NRXN1: variants seen among roughly 807,000 people sequenced by gnomAD.
The protein encoded by NRXN1 is neurexin-1.
A neutral mutation model predicts 150.9 loss-of-function variants in NRXN1; 39 were observed. The observed-to-expected ratio is 0.26, with a 90% CI of 0.20 to 0.34. The LOEUF is 0.34. Among genes scored for constraint, NRXN1 ranks in the 10% least tolerant of loss-of-function variants. The pLI is 1.00. For missense variants in NRXN1, 1,815 were observed against 1,949.9 expected, an observed-to-expected ratio of 0.93 and a Z score of 1.30; for synonymous variants, 924 against 757.0, an observed-to-expected ratio of 1.22 and a Z score of -3.62.
intron 6 of NRXN1, among the ~76,000 whole-genome samples, chr2:50,622,773 A>C (rs918336963): frequency 6.6e-6 from 1 of 152,182 alleles, no homozygotes; most frequent in Admixed American, 6.5e-5. Flanking sequence ...GCTAAAAATA[A>C]AAGTATCTTC....
At chr2:49,930,187 G>A (rs1283248564) in intron 22 of NRXN1, among the ~76,000 whole-genome samples, 3 of 152,098 alleles carry the variant, frequency 2.0e-5, no homozygotes, top group Non-Finnish European at 4.4e-5. Context: ...GAAATTTCAA[G>A]GTGGACATGA....
rs201024655 is a variant in NRXN1 at position 50,347,617 on chromosome 2, C to A, written c.3365-110647G>T. ...CGCGTCCGCCGCCTCCTGACACTTA[C>A]GCCCGGCGAGGGGTTCAGAGGGAAG... On this transcript the variant is annotated intron_variant, in intron 17 of 22. Transcript: ENST00000401669. The surrounding 1 kb of genome is among the most constrained non-coding windows in gnomAD (Gnocchi z 4.9). The A allele has an allele frequency of 4.0e-6, 4 of 1,005,700 alleles. No homozygotes were observed. Among genetic ancestry groups the A allele is most frequent in the Non-Finnish European group, 4.7e-6 (4 of 842,388 alleles). The allele number at this position is 1,005,700 out of a possible 1,614,324, so 62.3% of individuals were successfully genotyped here.
At chr2:49,922,489 C>G (rs1668393325) in intron 22 of NRXN1, among the ~76,000 whole-genome samples, 1 of 152,090 alleles carries the variant, frequency 6.6e-6, no homozygotes, top group Non-Finnish European at 1.5e-5. Context: ...ATTTTGTTCA[C>G]AGAGTTTGGT....
intron 15 of NRXN1, among the ~76,000 whole-genome samples, chr2:50,482,512 C>T (rs2090547672): frequency 6.6e-6 from 1 of 152,022 alleles, no homozygotes; most frequent in South Asian, 2.1e-4. Context: ...ATTTTTTTTA[C>T]TTACTGTGTA....
At chr2:50,623,668 C>T in intron 5 of NRXN1, 53 bp from the exon 6 acceptor site, 4 of 1,332,444 alleles carry the variant, frequency 3.0e-6, no homozygotes, top group South Asian at 1.3e-5. Flanking sequence ...CTATGCAAAT[C>T]AGCAGGTCTT....
chr2:50,065,061 A>T (rs1483258627), intron 19 of NRXN1, among the ~76,000 whole-genome samples: 2 of 152,196 alleles, frequency 1.3e-5, no homozygotes, highest in African/African-American at 4.8e-5. Flanking sequence ...CATGCTGGGA[A>T]ATCCAGTTTT....
At chr2:51,016,007 A>G (rs1314620777) in intron 2 of NRXN1, among the ~76,000 whole-genome samples, 1 of 152,100 alleles carries the variant, frequency 6.6e-6, no homozygotes, top group African/African-American at 2.4e-5. Flanking sequence ...ACAGCATGGT[A>G]CTGGTACCAA....
At chr2:50,884,123 T>C (rs531512446) in intron 5 of NRXN1, among the ~76,000 whole-genome samples, 1 of 151,924 alleles carries the variant, frequency 6.6e-6, no homozygotes, top group East Asian at 1.9e-4. Context: ...CAGCTTACCT[T>C]TTGAACTAGT....
intron 5 of NRXN1, among the ~76,000 whole-genome samples, chr2:50,837,022 C>T (rs957310193): frequency 6.6e-6 from 1 of 151,938 alleles, no homozygotes; most frequent in Non-Finnish European, 1.5e-5. Context: ...AAGAGTAAAT[C>T]CCTGAAGATA....
At chr2:49,976,543 G>A (rs1423904657) in intron 21 of NRXN1, among the ~76,000 whole-genome samples, 1 of 152,106 alleles carries the variant, frequency 6.6e-6, no homozygotes, top group Non-Finnish European at 1.5e-5. Flanking sequence ...AGAAGAGCAT[G>A]ACTGGTATGT....
chr2:50,329,752 C>A (rs1335903366), intron 17 of NRXN1, among the ~76,000 whole-genome samples: 1 of 145,616 alleles, frequency 6.9e-6, no homozygotes, highest in Non-Finnish European at 1.5e-5. Flanking sequence ...CGGCTCACTG[C>A]AACCTCCACC....
At chr2:49,959,282 G>A (rs945838239) in intron 21 of NRXN1, among the ~76,000 whole-genome samples, 2 of 152,248 alleles carry the variant, frequency 1.3e-5, no homozygotes, top group South Asian at 4.1e-4. Flanking sequence ...AATAAGAAAG[G>A]TGGCTGTCTT....
At chr2:50,525,173 C>T (rs568528877) in intron 12 of NRXN1, among the ~76,000 whole-genome samples, 1 of 152,156 alleles carries the variant, frequency 6.6e-6, no homozygotes, top group African/African-American at 2.4e-5. Flanking sequence ...CAGTCATCTT[C>T]TCATGCAAAT....
At chr2:50,999,018 C>T (rs1699692685) in intron 2 of NRXN1, among the ~76,000 whole-genome samples, 1 of 151,932 alleles carries the variant, frequency 6.6e-6, no homozygotes, top group Admixed American at 6.6e-5. Flanking sequence ...AACTAAGATA[C>T]TTCGTATCTT....
At chr2:50,666,387 TAAAC>T (rs1395152733) in intron 5 of NRXN1, among the ~76,000 whole-genome samples, 3 of 151,982 alleles carry the variant, frequency 2.0e-5, no homozygotes, top group Non-Finnish European at 4.4e-5. Flanking sequence ...TCATTTCTCT[TAAAC>T]AATTACTGGG....
intron 5 of NRXN1, among the ~76,000 whole-genome samples, chr2:50,794,813 C>A (rs1049682442): frequency 4.6e-5 from 7 of 152,010 alleles, no homozygotes; most frequent in African/African-American, 1.7e-4. Flanking sequence ...GGCTTAATAG[C>A]AAAAGCTTAA....
chr2:50,208,204 T>A (rs188853197), intron 18 of NRXN1, among the ~76,000 whole-genome samples: 2 of 152,138 alleles, frequency 1.3e-5, no homozygotes, highest in African/African-American at 4.8e-5. Flanking sequence ...AGCCAGTAAC[T>A]CACACTACCA....
chr2:49,964,935 G>A (rs2152487450), intron 21 of NRXN1, among the ~76,000 whole-genome samples: 1 of 152,252 alleles, frequency 6.6e-6, no homozygotes, highest in East Asian at 1.9e-4. Context: ...CACCCAGGGT[G>A]GAGTGCAGTG....
At chr2:50,543,976 G>T (rs185638674) in intron 9 of NRXN1, among the ~76,000 whole-genome samples, 307 of 152,222 alleles carry the variant, frequency 2.0e-3, no homozygotes, top group African/African-American at 7.1e-3. Context: ...CCAAAGGATA[G>T]ATCTGTTAGG....
Sources: gnomAD v4.1 joint callset for allele counts (sites outside exome capture counted in the v4.1 genomes callset) on GRCh38, gnomAD v4.1.1 for gene constraint, Gnocchi (gnomAD v3.1) non-coding constraint, MANE v1.5 for transcripts, NCBI Gene and HGNC (gene_info 2026-07-23, HGNC 2026-07-21) for gene names.